Variants in DRICH1 observed in about 807,000 individuals in gnomAD.
DRICH1 encodes the protein aspartate-rich protein 1.
Under a neutral mutation model 39.5 loss-of-function variants are expected in DRICH1, and 38 were observed. That is an observed-to-expected ratio of 0.96 (90% confidence interval 0.74 to 1.26). The LOEUF (loss-of-function observed/expected upper bound fraction) is 1.26, where lower values mean the gene tolerates loss of function less well. Among genes scored for constraint, DRICH1 ranks in the 50% most tolerant of loss-of-function variants. DRICH1 has a pLI of 0.00. For missense variants in DRICH1, 279 were observed against 270.4 expected (o/e 1.03, Z -0.22); for synonymous variants, 84 against 99.5 (o/e 0.84, Z 0.93).
the DRICH1 span, among the ~76,000 whole-genome samples, chr22:23,598,456 G>A: frequency 6.6e-6 from 1 of 152,094 alleles, no homozygotes; most frequent in Non-Finnish European, 1.5e-5. Flanking sequence ...GGAGGAAACT[G>A]AGGCCCACTG....
chr22:23,627,455 G>A (rs1010214796), intron 1 of DRICH1, among the ~76,000 whole-genome samples: 5 of 152,156 alleles, frequency 3.3e-5, no homozygotes, highest in African/African-American at 1.2e-4. Context: ...AGATGGCACA[G>A]GAGATCCAGA....
the DRICH1 span, among the ~76,000 whole-genome samples, chr22:23,584,375 C>T: frequency 6.6e-6 from 1 of 152,172 alleles, no homozygotes; most frequent in Non-Finnish European, 1.5e-5. Context: ...CCATTCTGGC[C>T]TCCTGCTGGT....
chr22:23,608,994 G>A (rs1009265312), intron 11 of DRICH1, among the ~76,000 whole-genome samples: 1 of 152,176 alleles, frequency 6.6e-6, no homozygotes, highest in Non-Finnish European at 1.5e-5. Context: ...TAGAAGTCCT[G>A]AGCCCCACAC....
At chr22:23,614,485 G>A (rs1446906219) in intron 8 of DRICH1, among the ~76,000 whole-genome samples, 1 of 152,234 alleles carries the variant, frequency 6.6e-6, no homozygotes, top group African/African-American at 2.4e-5. Context: ...CTAAGGGTCA[G>A]TGGAAGAGTG....
downstream of DRICH1, among the ~76,000 whole-genome samples, chr22:23,607,546 G>GGA (rs2038605073): frequency 6.6e-6 from 1 of 150,540 alleles, no homozygotes; most frequent in African/African-American, 2.5e-5. Context: ...GGCGGGGGGG[G>GGA]GCCTCTTGCC....
chr22:23,617,400 T>C (rs1602338111), intron 7 of DRICH1, among the ~76,000 whole-genome samples, 175 bp downstream of exon 7: 1 of 152,018 alleles, frequency 6.6e-6, no homozygotes, highest in African/African-American at 2.4e-5. Flanking sequence ...GAATAGGATA[T>C]GCTAGGCTCC....
At chr22:23,614,633 A>C (rs1166189898) in intron 8 of DRICH1, among the ~76,000 whole-genome samples, 1 of 152,222 alleles carries the variant, frequency 6.6e-6, no homozygotes, top group Non-Finnish European at 1.5e-5. Context: ...TTTATTACTT[A>C]TTTAAAATCA....
chr22:23,614,902 T>C (rs1002250215), intron 8 of DRICH1, among the ~76,000 whole-genome samples: 1 of 152,178 alleles, frequency 6.6e-6, no homozygotes, highest in African/African-American at 2.4e-5. Flanking sequence ...CTGCTCTAAC[T>C]ATACCAGTGA....
chr22:23,609,588 GGGA>G (rs1926925187), intron 11 of DRICH1, among the ~76,000 whole-genome samples: 1 of 152,104 alleles, frequency 6.6e-6, no homozygotes, highest in South Asian at 2.1e-4. Flanking sequence ...GGTGTCAGCA[GGGA>G]GCCCTGGGCC....
chr22:23,598,622 C>G, the DRICH1 span, among the ~76,000 whole-genome samples: 1 of 152,214 alleles, frequency 6.6e-6, no homozygotes, highest in Non-Finnish European at 1.5e-5. Context: ...GCTGCCCTCC[C>G]TCCTCCTAGC....
chr22:23,605,501 A>G (rs1471561654), downstream of DRICH1, among the ~76,000 whole-genome samples: 3 of 152,056 alleles, frequency 2.0e-5, no homozygotes, highest in African/African-American at 7.2e-5. Flanking sequence ...AAGGGTGTGG[A>G]GGCGGCACAT....
the DRICH1 span, among the ~76,000 whole-genome samples, chr22:23,589,520 A>G: frequency 3.3e-5 from 5 of 151,956 alleles, no homozygotes; most frequent in African/African-American, 1.2e-4. Flanking sequence ...GTATATATAA[A>G]ATAAAAAATA....
chr22:23,611,715 G>C (rs974628990), intron 11 of DRICH1, among the ~76,000 whole-genome samples: 1 of 152,182 alleles, frequency 6.6e-6, no homozygotes, highest in African/African-American at 2.4e-5. Context: ...ATGTATGACA[G>C]TGGTCCCATA....
chr22:23,617,683 G>A (rs371434627), intron 6 of DRICH1, 26 bp from the exon 7 acceptor site: 129 of 1,610,580 alleles, frequency 8.0e-5, no homozygotes, highest in East Asian at 2.0e-4. Context: ...GGAAAGATCC[G>A]TGCCCTGGTT....
chr22:23,594,401 T>C, the DRICH1 span, among the ~76,000 whole-genome samples: 2 of 152,130 alleles, frequency 1.3e-5, no homozygotes, highest in African/African-American at 2.4e-5. Context: ...AAACCCCATC[T>C]CTACTAAAAA....
intron 11 of DRICH1, among the ~76,000 whole-genome samples, 176 bp downstream of exon 11, chr22:23,613,110 CAGT>C (rs1161395797): frequency 6.6e-6 from 1 of 152,166 alleles, no homozygotes; most frequent in East Asian, 1.9e-4. Context: ...CCCATAGAGA[CAGT>C]TCTTACCATG....
the DRICH1 span, among the ~76,000 whole-genome samples, chr22:23,601,637 G>T: frequency 6.6e-6 from 1 of 152,184 alleles, no homozygotes; most frequent in Non-Finnish European, 1.5e-5. Flanking sequence ...CCTTCTTGCT[G>T]TATCAATGTC....
chr22:23,620,072 G>A (rs1345010084), intron 5 of DRICH1, among the ~76,000 whole-genome samples: 2 of 151,958 alleles, frequency 1.3e-5, no homozygotes, highest in South Asian at 2.1e-4. Flanking sequence ...AGCAAGAAGA[G>A]GTGAACAAAA....
chr22:23,595,438 G>C, the DRICH1 span, among the ~76,000 whole-genome samples: 3 of 151,356 alleles, frequency 2.0e-5, no homozygotes, highest in Non-Finnish European at 4.4e-5. Context: ...AGAAACGTCA[G>C]CTCTAGAGGT....
Sources: allele counts gnomAD v4.1 joint callset (sites outside exome capture counted in the v4.1 genomes callset), GRCh38; gene constraint gnomAD v4.1.1; transcripts MANE v1.5; gene names NCBI Gene and HGNC (gene_info 2026-07-23, HGNC 2026-07-21).